HMOX2: variants seen among roughly 807,000 people sequenced by gnomAD.
HMOX2 encodes the protein heme oxygenase 2.
A neutral mutation model predicts 33.7 loss-of-function variants in HMOX2; 30 were observed. The observed-to-expected ratio is 0.89, with a 90% CI of 0.67 to 1.21. HMOX2 has a LOEUF of 1.21. Among genes scored for constraint, HMOX2 ranks in the 50% most tolerant of loss-of-function variants. The pLI is 0.00. For missense variants in HMOX2, 403 were observed against 399.1 expected, an observed-to-expected ratio of 1.01 and a Z score of -0.08; for synonymous variants, 155 against 155.0, an observed-to-expected ratio of 1.00 and a Z score of 0.00.
intron 3 of HMOX2, 54 bp downstream of exon 3, chr16:4,507,066 T>G: frequency 2.5e-6 from 3 of 1,205,994 alleles, no homozygotes; most frequent in Non-Finnish European, 3.7e-6. Flanking sequence ...GGTGGGGGCC[T>G]TGGTCCCATG....
chr16:4,507,986 G>A lies in HMOX2; in HGVS notation c.478G>A (p.Asp160Asn), dbSNP rs1044792190. The A allele has an allele frequency of 5.0e-6, 8 of 1,613,920 alleles. No individual in the cohort carries two copies. In the African/African-American group the frequency reaches 1.1e-4, roughly 22 times the overall value. ...CCATGCATACACCCGCTACATGGGGGATCTCTCGGGGGGCCAGGTGCTGAA... is the reference window on the plus strand; with the variant it reads ...CCATGCATACACCCGCTACATGGGGAATCTCTCGGGGGGCCAGGTGCTGAA... ...VAHAYTRYMGDLSGGQVLKKV... is the reference protein window; with the variant it reads ...VAHAYTRYMGNLSGGQVLKKV... The change falls in exon 4 of 6, where the codon GAT becomes AAT. Residue 160 changes from aspartate to asparagine, a missense_variant. Coordinates refer to ENST00000570646, the MANE Select transcript of HMOX2 (RefSeq NM_002134.4).
intron 2 of HMOX2, among the ~76,000 whole-genome samples, chr16:4,506,286 A>G (rs1043937170): frequency 1.3e-5 from 2 of 152,124 alleles, no homozygotes; most frequent in Admixed American, 6.5e-5. Flanking sequence ...TTGTCCATCC[A>G]TCCACACACC....
chr16:4,494,396 C>T (rs1450310204), intron 1 of HMOX2, among the ~76,000 whole-genome samples: 1 of 151,672 alleles, frequency 6.6e-6, no homozygotes, highest in Non-Finnish European at 1.5e-5. Context: ...TCTGTTTTCT[C>T]TTCGCTCCAA....
chr16:4,500,914 G>A (rs2058542515), intron 1 of HMOX2, among the ~76,000 whole-genome samples: 1 of 152,160 alleles, frequency 6.6e-6, no homozygotes, highest in South Asian at 2.1e-4. Context: ...CAGCTGATGA[G>A]GTGAACAGCT....
chr16:4,496,143 T>A (rs1437012203), intron 1 of HMOX2: 15 of 107,294 alleles, frequency 1.4e-4, no homozygotes, highest in African/African-American at 5.5e-4. Flanking sequence ...TTTTTTTTTT[T>A]AGATGGAGTC....
intron 1 of HMOX2, among the ~76,000 whole-genome samples, chr16:4,481,241 C>A (rs1270940435): frequency 6.7e-6 from 1 of 149,562 alleles, no homozygotes; most frequent in Non-Finnish European, 1.5e-5. Flanking sequence ...CCCGGCTACT[C>A]GGGAGGCTGA....
intron 1 of HMOX2, among the ~76,000 whole-genome samples, chr16:4,487,757 C>T (rs1480377892): frequency 7.4e-6 from 1 of 135,786 alleles, no homozygotes; most frequent in African/African-American, 2.8e-5. Context: ...CTGAGAACAC[C>T]AGCCTGGGAG....
intron 1 of HMOX2, among the ~76,000 whole-genome samples, chr16:4,497,180 T>C (rs2141578060): frequency 6.6e-6 from 1 of 152,320 alleles, no homozygotes; most frequent in East Asian, 1.9e-4. Flanking sequence ...AGCTTACAGG[T>C]GACAATTTTT....
At position 4,487,109 on chromosome 16, in the gene HMOX2, A is replaced by T. The variant is rs970597795; in HGVS notation, c.-42+10622A>T. 3.4e-4 allele frequency among the ~76,000 whole-genome samples: 51 copies of T among 152,148 alleles called. 1 individual carries two copies. The highest frequency in any genetic ancestry group is 1.2e-3 in the African/African-American group (51 of 41,436). The stretch of plus-strand genomic sequence containing the variant: ...CTGTCTCTACAAAAAAATTTTTAAA[A>T]TTAGCTAGACATGGTAGTGAATGCC... On this transcript the variant is annotated intron_variant, in intron 1 of 5. Transcript: ENST00000570646.
intron 1 of HMOX2, among the ~76,000 whole-genome samples, chr16:4,478,480 G>C (rs1596433886): frequency 6.6e-6 from 1 of 152,290 alleles, no homozygotes; most frequent in South Asian, 2.1e-4. Context: ...GCCCGGTGCA[G>C]TGGCTCATGC....
chr16:4,501,563 G>A (rs772852838), intron 1 of HMOX2, among the ~76,000 whole-genome samples: 4 of 152,044 alleles, frequency 2.6e-5, no homozygotes, highest in Non-Finnish European at 4.4e-5. Flanking sequence ...AATATTTTAG[G>A]ATCTTTTTTT....
At chr16:4,489,678 G>A (rs564144256) in intron 1 of HMOX2, among the ~76,000 whole-genome samples, 5 of 152,100 alleles carry the variant, frequency 3.3e-5, no homozygotes, top group Non-Finnish European at 7.3e-5. Flanking sequence ...AGGCTGGTCT[G>A]GAACTCCTGT....
At position 4,509,426 on chromosome 16, in the gene HMOX2, G is replaced by A. The variant is rs1281941499; in HGVS notation, c.711G>A (p.Leu237=). ...TGCTCCTGCAGATATTCAATGAACT[G>A]GACCAGGCCGGCTCCACACTGGCCA... ...FEYNMQIFNE[L]DQAGSTLARE... Residue 237 remains leucine, a synonymous_variant, in exon 5 of 6, where the codon CTG becomes CTA. Coordinates refer to ENST00000570646, the MANE Select transcript of HMOX2 (RefSeq NM_002134.4). The A allele has an allele frequency of 6.2e-7, 1 of 1,614,076 alleles. No homozygotes were observed. Among genetic ancestry groups the A allele is most frequent in the Non-Finnish European group, 8.5e-7 (1 of 1,180,016 alleles).
At position 4,509,420 on chromosome 16, in the gene HMOX2, T is replaced by C. The variant is rs760796581; in HGVS notation, c.705T>C (p.Asn235=). ...KAFEYNMQIF[N]ELDQAGSTLA... ...ATCCTCTGCTCCTGCAGATATTCAA[T>C]GAACTGGACCAGGCCGGCTCCACAC... Residue 235 remains asparagine (N), a synonymous_variant, in exon 5 of 6, where the codon AAT becomes AAC. Transcript: ENST00000570646. The C allele has an allele frequency of 6.2e-7, 1 of 1,613,344 alleles. No individual in the cohort carries two copies. The highest frequency in any genetic ancestry group is 8.5e-7 in the Non-Finnish European group (1 of 1,179,944).
chr16:4,509,347 AT>A (rs912931570), intron 4 of HMOX2, 64 bp from the exon 5 acceptor site: 14 of 1,565,994 alleles, frequency 8.9e-6, no homozygotes, highest in Admixed American at 1.9e-5. Flanking sequence ...CTCAAAAGAC[AT>A]TTAAAAAAAA....
At chr16:4,497,411 C>T (rs2058448703) in intron 1 of HMOX2, among the ~76,000 whole-genome samples, 1 of 152,192 alleles carries the variant, frequency 6.6e-6, no homozygotes, top group Non-Finnish European at 1.5e-5. Flanking sequence ...TTCACCCCTC[C>T]CGCTCCTGGT....
intron 1 of HMOX2, among the ~76,000 whole-genome samples, chr16:4,502,046 G>C (rs547682154): frequency 2.6e-5 from 4 of 152,116 alleles, no homozygotes; most frequent in African/African-American, 7.2e-5. Flanking sequence ...ATTTGAAGTC[G>C]TGGACAGCAG....
intron 1 of HMOX2, among the ~76,000 whole-genome samples, chr16:4,477,078 G>T (rs772098402): frequency 6.6e-6 from 1 of 152,174 alleles, no homozygotes; most frequent in Non-Finnish European, 1.5e-5. Context: ...GGGGGCAGCC[G>T]GTTAGTCCGG....
chr16:4,483,972 A>T (rs2058098206), intron 1 of HMOX2, among the ~76,000 whole-genome samples: 1 of 99,992 alleles, frequency 1.0e-5, no homozygotes, highest in African/African-American at 4.7e-5. Flanking sequence ...TATGCCCAAA[A>T]ATTTTTTTTT....
Sources: gnomAD v4.1 joint callset for allele counts (sites outside exome capture counted in the v4.1 genomes callset) on GRCh38, gnomAD v4.1.1 for gene constraint, MANE v1.5 for transcripts, NCBI Gene and HGNC (gene_info 2026-07-23, HGNC 2026-07-21) for gene names.